The following PCDHA1 variants were observed in gnomAD, a reference collection of about 807,000 sequenced individuals.
The protein encoded by PCDHA1 is protocadherin alpha 1.
Under a neutral mutation model 61.3 loss-of-function variants are expected in PCDHA1, and 42 were observed. The ratio of observed to expected loss-of-function variants is 0.69; its 90% CI spans 0.54 to 0.89. The LOEUF (loss-of-function observed/expected upper bound fraction) is 0.89, where lower values mean the gene tolerates loss of function less well. Among genes scored for constraint, PCDHA1 ranks in the 40% least tolerant of loss-of-function variants. The probability of loss-of-function intolerance (pLI) is 0.00; values close to 1 mark genes in which losing one functional copy is unlikely to be tolerated. For missense variants in PCDHA1, 1,256 were observed against 1,235.3 expected, an observed-to-expected ratio of 1.02 and a Z score of -0.25; for synonymous variants, 610 against 553.8, an observed-to-expected ratio of 1.10 and a Z score of -1.43.
At chr5:140,962,350 C>A (rs78940637) in intron 1 of PCDHA1, among the ~76,000 whole-genome samples, 3,557 of 152,264 alleles carry the variant, frequency 0.023, 46 homozygotes, top group Middle Eastern at 0.034. Context: ...TAAAACTCCC[C>A]CCAATACTGG....
chr5:140,820,653 A>G (rs191345259), intron 1 of PCDHA1, among the ~76,000 whole-genome samples: 12 of 152,236 alleles, frequency 7.9e-5, no homozygotes, highest in Admixed American at 7.8e-4. Context: ...TTAAAAAGTA[A>G]TTAAACTAAT....
At chr5:140,949,263 C>G (rs1210516513) in intron 1 of PCDHA1, among the ~76,000 whole-genome samples, 1 of 151,714 alleles carries the variant, frequency 6.6e-6, no homozygotes, top group Non-Finnish European at 1.5e-5. Context: ...GAACATATCA[C>G]GTGCACTTGA....
chr5:140,863,237 C>A (rs782024401), intron 1 of PCDHA1: 6 of 1,306,974 alleles, frequency 4.6e-6, no homozygotes, highest in Non-Finnish European at 5.3e-6. Context: ...CCATCGCGGG[C>A]TTTGGCGGGC....
At chr5:140,933,401 C>T (rs1382982699) in intron 1 of PCDHA1, among the ~76,000 whole-genome samples, 1 of 151,928 alleles carries the variant, frequency 6.6e-6, no homozygotes, top group African/African-American at 2.4e-5. Flanking sequence ...ATCTGGTTAC[C>T]ATCTACAGAT....
intron 1 of PCDHA1, chr5:140,795,695 A>T (rs782631973): frequency 6.2e-7 from 1 of 1,614,130 alleles, no homozygotes; most frequent in Admixed American, 1.7e-5. Context: ...ACTTTTGCCC[A>T]ATCAGTTTAC....
chr5:140,969,907 G>A (rs2096367708), intron 1 of PCDHA1, among the ~76,000 whole-genome samples: 1 of 152,204 alleles, frequency 6.6e-6, no homozygotes, highest in Non-Finnish European at 1.5e-5. Context: ...CATGTCACAA[G>A]TGATAAAGCT....
intron 1 of PCDHA1, among the ~76,000 whole-genome samples, chr5:140,972,062 A>G (rs1398109338): frequency 6.6e-6 from 1 of 152,246 alleles, no homozygotes; most frequent in Admixed American, 6.5e-5. Flanking sequence ...AGTCGTATAT[A>G]TTAACTGCTT....
At chr5:140,970,221 C>G (rs2096390879) in intron 1 of PCDHA1, among the ~76,000 whole-genome samples, 1 of 152,182 alleles carries the variant, frequency 6.6e-6, no homozygotes, top group South Asian at 2.1e-4. Context: ...TTAAATGCAG[C>G]CTGTAATCTT....
At chr5:140,938,715 C>T (rs138044331) in intron 1 of PCDHA1, among the ~76,000 whole-genome samples, 10 of 152,038 alleles carry the variant, frequency 6.6e-5, no homozygotes, top group African/African-American at 2.4e-4. Flanking sequence ...ATGATAGAAA[C>T]GCGTTTCTAC....
chr5:141,004,461 A>C (rs1160733381), intron 3 of PCDHA1, among the ~76,000 whole-genome samples: 1 of 152,216 alleles, frequency 6.6e-6, no homozygotes, highest in Non-Finnish European at 1.5e-5. Context: ...CAGGAAGCTC[A>C]GTGACATGTT....
intron 1 of PCDHA1, among the ~76,000 whole-genome samples, chr5:140,912,893 T>C (rs1346036777): frequency 6.6e-6 from 1 of 152,262 alleles, no homozygotes; most frequent in East Asian, 1.9e-4. Context: ...TCTGTTGATA[T>C]GATGTATCAT....
intron 3 of PCDHA1, among the ~76,000 whole-genome samples, chr5:141,002,843 A>G (rs2098098678): frequency 6.6e-6 from 1 of 152,224 alleles, no homozygotes; most frequent in African/African-American, 2.4e-5. Context: ...AGGACTATGC[A>G]CTAGTGAGAG....
At chr5:140,883,190 C>G in intron 1 of PCDHA1, 1 of 1,613,818 alleles carries the variant, frequency 6.2e-7, no homozygotes, top group Non-Finnish European at 8.5e-7. Context: ...AAAAGGCAAA[C>G]TAGATTTCGA....
rs2150477113 is a variant in PCDHA1, at chr5:140,850,276, T to G, written c.2394+61592T>G. 19 of 1,594,568 alleles carry G rather than the reference T, an allele frequency of 1.2e-5. 1 individual carries two copies. The highest frequency in any genetic ancestry group is 1.5e-5 in the Non-Finnish European group (18 of 1,167,356). ...GGCGCCGGCGTAGTGGTGGGGAAGG[T>G]GCGCGCAGTGGACGCCGACTCGGGC... is the stretch of plus-strand genomic sequence containing the variant. On this transcript the variant is annotated intron_variant, in intron 1 of 3. Coordinates refer to ENST00000504120, the MANE Select transcript of PCDHA1 (RefSeq NM_018900.4).
chr5:140,809,305 G>A (rs782718692), intron 1 of PCDHA1: 4 of 1,614,114 alleles, frequency 2.5e-6, no homozygotes, highest in African/African-American at 1.3e-5. Flanking sequence ...CCATCTGCGC[G>A]GTGTCCAGCC....
At chr5:140,934,690 T>G (rs1263392505) in intron 1 of PCDHA1, among the ~76,000 whole-genome samples, 1 of 152,198 alleles carries the variant, frequency 6.6e-6, no homozygotes, top group Non-Finnish European at 1.5e-5. Flanking sequence ...AAACAATGAA[T>G]TGATTCCTGG....
At position 141,009,806 on chromosome 5, in the gene PCDHA1, A is replaced by G. The variant is rs781853535; in HGVS notation, c.2722A>G (p.Ile908Val). 18 of 1,614,018 alleles carry G rather than the reference A, an allele frequency of 1.1e-5. No individual in the cohort carries two copies. Among genetic ancestry groups the G allele is most frequent in the Non-Finnish European group, 1.5e-5 (18 of 1,180,028 alleles). ...SIRQEPTNSQ[I>V]DKSDFITFGK... is the part of the protein sequence containing the mutation. ...CCGGCAGGAGCCTACTAACAGCCAA[A>G]TTGACAAAAGTGACTTCATAACCTT... The change falls in exon 4 of 4, where the codon ATT becomes GTT. Residue 908 changes from isoleucine (I) to valine (V), a missense_variant. Physicochemically the swap from Ile to Val is conservative, Grantham distance 29 (BLOSUM62 3). Coordinates refer to ENST00000504120, the MANE Select transcript of PCDHA1 (RefSeq NM_018900.4).
Position 140,853,567 on chromosome 5 carries a change from T to C in PCDHA1, c.2394+64883T>C. 2 of 981,210 alleles carry C rather than the reference T, an allele frequency of 2.0e-6. 1 individual carries two copies. The highest frequency in any genetic ancestry group is 3.5e-5 in the African/African-American group (2 of 56,602). The allele number at this position is 981,210 out of a possible 1,614,324, so 60.8% of individuals were successfully genotyped here. A position where few individuals can be genotyped will look rare whatever the true frequency, so the allele number is the denominator to read the frequency against. On this transcript the variant is annotated intron_variant, in intron 1 of 3. Transcript: ENST00000504120. ...TAATTACTATATAGGAAAAACTAAGTTGTCACCCAATATCTTAGACACTTT... is the reference window on the plus strand; with the variant it reads ...TAATTACTATATAGGAAAAACTAAGCTGTCACCCAATATCTTAGACACTTT...
chr5:140,931,111 G>A (rs1584701423), intron 1 of PCDHA1, among the ~76,000 whole-genome samples: 2 of 152,116 alleles, frequency 1.3e-5, no homozygotes, highest in East Asian at 3.8e-4. Flanking sequence ...TAATAGGTAT[G>A]CACATCATTA....
Sources: gnomAD v4.1 joint callset for allele counts (sites outside exome capture counted in the v4.1 genomes callset) on GRCh38, gnomAD v4.1.1 for gene constraint, MANE v1.5 for transcripts, NCBI Gene and HGNC (gene_info 2026-07-23, HGNC 2026-07-21) for gene names.